DMD: variants seen among roughly 807,000 people sequenced by gnomAD.
DMD encodes dystrophin, also known as mutant dystrophin.
Under a neutral mutation model 330.1 loss-of-function variants are expected in DMD, and 63 were observed. The ratio of observed to expected loss-of-function variants is 0.19; its 90% CI spans 0.16 to 0.24. The LOEUF (loss-of-function observed/expected upper bound fraction) is 0.24. Ranked by LOEUF, DMD falls within the 10% of genes least tolerant of loss-of-function variation. The pLI is 1.00. For missense variants in DMD, 3,344 were observed against 2,684.1 expected (o/e 1.25, Z -5.43); for synonymous variants, 1,223 against 959.8 (o/e 1.27, Z -5.07).
At chrX:32,468,387 T>G in intron 23 of DMD, 111 bp downstream of exon 23, 1 of 684,846 alleles carries the variant, frequency 1.5e-6, no homozygotes, top group Admixed American at 2.9e-5. Flanking sequence ...TCTCACTAAC[T>G]TTGAAAGATG....
chrX:32,717,298 A>AC (rs1381609665), intron 7 of DMD, among the ~76,000 whole-genome samples: 48 of 111,143 alleles, frequency 4.3e-4, no homozygotes, highest in African/African-American at 1.5e-3. Flanking sequence ...GCTCTGCACA[A>AC]CCTCAAGACA....
chrX:32,562,250 C>A (rs1371051436), intron 16 of DMD, among the ~76,000 whole-genome samples: 4 of 112,332 alleles, frequency 3.6e-5, no homozygotes, highest in African/African-American at 1.3e-4. Flanking sequence ...TCTTAGGCTA[C>A]CTTCTAATCA....
intron 1 of DMD, among the ~76,000 whole-genome samples, chrX:33,065,368 G>A (rs2094638243): frequency 8.9e-6 from 1 of 112,329 alleles, no homozygotes; most frequent in African/African-American, 3.2e-5. Context: ...TATTTGTAGA[G>A]TTCTTCACTT....
At chrX:32,759,116 C>A (rs1466258743) in intron 7 of DMD, among the ~76,000 whole-genome samples, 1 of 112,006 alleles carries the variant, frequency 8.9e-6, no homozygotes, top group Non-Finnish European at 1.9e-5. Flanking sequence ...GTTGATTTCT[C>A]TCATATATTT....
intron 7 of DMD, among the ~76,000 whole-genome samples, chrX:32,797,586 TAACA>T (rs746329185): frequency 1.4e-4 from 16 of 112,316 alleles, no homozygotes; most frequent in Non-Finnish European, 2.3e-4. Context: ...GAAATAAAAT[TAACA>T]AATACCAATA....
chrX:31,129,808 C>G (rs2034244652), intron 77 of DMD, among the ~76,000 whole-genome samples: 1 of 112,216 alleles, frequency 8.9e-6, no homozygotes, highest in South Asian at 3.7e-4. Flanking sequence ...ATATTTCTAT[C>G]TGCCTTTGTT....
At position 33,254,052 on chromosome X, in the gene DMD, CAGTT is replaced by C. The variant is rs748171399; in HGVS notation, c.7+85203_7+85206del. Among the ~76,000 whole-genome samples the C allele has an allele frequency of 2.8e-3, 310 of 110,738 alleles. 3 individuals carry two copies. The highest frequency in any genetic ancestry group is 3.9e-3 in the Non-Finnish European group (206 of 52,586). On this transcript the variant is annotated intron_variant, in intron 1 of 17. Transcript: ENST00000288447. Reference sequence around the variant, plus strand: ...ATATAAGTACATATTATTTTGTAAACAGTTAGCAGAAAATTTCACCGTTAAAAAT... The same window carrying C: ...ATATAAGTACATATTATTTTGTAAACAGCAGAAAATTTCACCGTTAAAAAT...
intron 2 of DMD, among the ~76,000 whole-genome samples, chrX:32,998,411 A>G (rs2093185735): frequency 9.4e-6 from 1 of 106,035 alleles, no homozygotes; most frequent in African/African-American, 3.4e-5. Flanking sequence ...TAGAGGTAAA[A>G]TTATGTTTTC....
At chrX:32,457,039 G>A (rs920476775) in intron 25 of DMD, among the ~76,000 whole-genome samples, 1 of 104,817 alleles carries the variant, frequency 9.5e-6, no homozygotes, top group Admixed American at 1.0e-4. Context: ...AAGTTGACCC[G>A]GAGAGTGGGT....
chrX:31,673,708 G>A (rs1215835183), intron 53 of DMD, among the ~76,000 whole-genome samples: 1 of 111,938 alleles, frequency 8.9e-6, no homozygotes, highest in Non-Finnish European at 1.9e-5. Flanking sequence ...TTTCAAGCAC[G>A]GGATAAGTTA....
chrX:31,905,194 A>G (rs2094464533), intron 47 of DMD, among the ~76,000 whole-genome samples: 1 of 111,932 alleles, frequency 8.9e-6, no homozygotes, highest in African/African-American at 3.2e-5. Flanking sequence ...AATATTGTCA[A>G]TCTTCTAGTT....
chrX:33,154,089 G>A (rs1349827141), intron 1 of DMD, among the ~76,000 whole-genome samples: 1 of 111,758 alleles, frequency 8.9e-6, no homozygotes, highest in Admixed American at 9.6e-5. Flanking sequence ...AACTTTAGAA[G>A]AAAAAATAAT....
chrX:32,898,429 G>A (rs2085928753), intron 2 of DMD, among the ~76,000 whole-genome samples: 1 of 112,241 alleles, frequency 8.9e-6, no homozygotes, highest in African/African-American at 3.2e-5. Context: ...ATTCAAGGGC[G>A]AGCCAGTGGC....
At position 32,895,844 on chromosome X, in the gene DMD, CGTGTGTGTGTGT is replaced by C. The variant is rs5902042; in HGVS notation, c.94-46036_94-46025del. Among the ~76,000 whole-genome samples the C allele has an allele frequency of 1.5e-4, 15 of 99,806 alleles. No individual in the cohort carries two copies. The East Asian group carries it at 1.6e-3, about 11-fold the overall frequency. The allele number at this position is 99,806 out of a possible 115,157, so 86.7% of individuals were successfully genotyped here. ...GAGCTGGCTGCTGGCTTGGAATGAACGTGTGTGTGTGTGTGTGTGTGTGTGTGTGTGTAGTGT... is the reference window on the plus strand; with the variant it reads ...GAGCTGGCTGCTGGCTTGGAATGAACGTGTGTGTGTGTGTGTGTGTAGTGT... On this transcript the variant is annotated intron_variant, in intron 2 of 78. Coordinates refer to ENST00000357033, the MANE Select transcript of DMD (RefSeq NM_004006.3).
intron 64 of DMD, among the ~76,000 whole-genome samples, chrX:31,212,334 C>T (rs188323345): frequency 9.1e-6 from 1 of 109,383 alleles, no homozygotes; most frequent in Non-Finnish European, 1.9e-5. Flanking sequence ...GAACAGGGAC[C>T]ATGTGGTGGT....
At chrX:32,481,229 T>TAC (rs1257606405) in intron 21 of DMD, among the ~76,000 whole-genome samples, 4 of 110,925 alleles carry the variant, frequency 3.6e-5, no homozygotes, top group Non-Finnish European at 7.6e-5. Flanking sequence ...TCTTCTGTGC[T>TAC]ACACCTCCCC....
In DMD at chrX:31,514,301, G is replaced by A. The variant is rs984624500; in HGVS notation, c.8218-6848C>T. ...TACAATTATAGAGCAAATTTCAGCT[G>A]AGAGTACCAAAAAAGTTCAGTTATG... On this transcript the variant is annotated intron_variant, in intron 55 of 78. Transcript: ENST00000357033. Among the ~76,000 whole-genome samples, 3 of 111,767 alleles carry A rather than the reference G, an allele frequency of 2.7e-5. No homozygotes were observed. In the Admixed American group the frequency reaches 2.9e-4, roughly 11 times the overall value.
chrX:32,630,740 G>C (rs994668482), intron 11 of DMD, among the ~76,000 whole-genome samples: 1 of 111,341 alleles, frequency 9.0e-6, no homozygotes, highest in African/African-American at 3.3e-5. Flanking sequence ...GTACTATCTT[G>C]GATTTTATTG....
chrX:32,819,886 T>A (rs1462665655), intron 5 of DMD, among the ~76,000 whole-genome samples: 1 of 109,708 alleles, frequency 9.1e-6, no homozygotes, highest in Admixed American at 9.8e-5. Context: ...ATTTTTAGAT[T>A]CACTGGATTA....
Sources: gnomAD v4.1 joint callset for allele counts (sites outside exome capture counted in the v4.1 genomes callset) on GRCh38, gnomAD v4.1.1 for gene constraint, MANE v1.5 for transcripts, NCBI Gene and HGNC (gene_info 2026-07-23, HGNC 2026-07-21) for gene names.